The following TENM3 variants were observed in gnomAD, a reference collection of about 807,000 sequenced individuals.
TENM3 encodes the protein teneurin-3.
In TENM3, 63 loss-of-function variants were observed where a neutral mutation model predicts 255.1. The ratio of observed to expected loss-of-function variants is 0.25; its 90% CI spans 0.20 to 0.30. The LOEUF is 0.30. Among genes scored for constraint, TENM3 ranks in the 10% least tolerant of loss-of-function variants. The pLI is 1.00. For missense variants in TENM3, 2,929 were observed against 3,461.1 expected (o/e 0.85, Z 3.86); for synonymous variants, 1,306 against 1,322.3 (o/e 0.99, Z 0.27).
chr4:181,525,895 C>G, the TENM3 span, among the ~76,000 whole-genome samples: 1 of 152,066 alleles, frequency 6.6e-6, no homozygotes. Context: ...GTGCTCCAGC[C>G]TGCTAAGGAA....
chr4:182,227,778 A>G (rs73001473), intron 1 of TENM3, among the ~76,000 whole-genome samples: 4,840 of 151,956 alleles, frequency 0.032, 247 homozygotes, highest in African/African-American at 0.11. Context: ...AACACTTTAG[A>G]ATCTACTTTT....
chr4:181,514,954 A>T, the TENM3 span, among the ~76,000 whole-genome samples: 1 of 152,308 alleles, frequency 6.6e-6, no homozygotes, highest in Admixed American at 6.5e-5. Context: ...TATGTCAGGT[A>T]ACTGACGCCA....
the TENM3 span, among the ~76,000 whole-genome samples, chr4:181,608,192 G>C: frequency 6.6e-6 from 1 of 152,204 alleles, no homozygotes; most frequent in Non-Finnish European, 1.5e-5. Context: ...AAGAGGGAGA[G>C]AGCAAGAGAG....
intron 1 of TENM3, among the ~76,000 whole-genome samples, chr4:182,314,041 G>A (rs1216195338): frequency 6.6e-6 from 1 of 152,096 alleles, no homozygotes; most frequent in Non-Finnish European, 1.5e-5. Flanking sequence ...GGCTGGGCGT[G>A]GTGGCTCATG....
the TENM3 span, among the ~76,000 whole-genome samples, chr4:181,949,312 G>T: frequency 5.3e-5 from 8 of 152,166 alleles, no homozygotes; most frequent in Admixed American, 1.3e-4. Context: ...AACTGCAAAA[G>T]GTTTAGGTTT....
the TENM3 span, among the ~76,000 whole-genome samples, chr4:181,668,249 T>C: frequency 6.6e-6 from 1 of 152,232 alleles, no homozygotes; most frequent in South Asian, 2.1e-4. Context: ...TTCATGTTCC[T>C]CCAACGTTGT....
At chr4:181,809,186 T>C in the TENM3 span, among the ~76,000 whole-genome samples, 3 of 152,186 alleles carry the variant, frequency 2.0e-5, no homozygotes, top group Non-Finnish European at 4.4e-5. Context: ...CCCATTCAGA[T>C]GGGCTGGAAA....
intron 3 of TENM3, among the ~76,000 whole-genome samples, chr4:182,363,666 A>T (rs1330434119): frequency 6.6e-6 from 1 of 152,186 alleles, no homozygotes; most frequent in Non-Finnish European, 1.5e-5. Flanking sequence ...CTTACAAGTG[A>T]TATATCCAAG....
chr4:182,068,597 A>G, the TENM3 span, among the ~76,000 whole-genome samples: 10 of 152,156 alleles, frequency 6.6e-5, no homozygotes. Flanking sequence ...CTTGATGAAA[A>G]CAGCTTCCAG....
chr4:182,680,835 C>G, intron 10 of TENM3, 98 bp downstream of exon 10: 1 of 924,666 alleles, frequency 1.1e-6, no homozygotes, highest in Non-Finnish European at 1.5e-6. Flanking sequence ...TTATACGCTT[C>G]CTTTTGAAAG....
chr4:182,778,379 G>A (rs544495777), intron 24 of TENM3, among the ~76,000 whole-genome samples: 2 of 152,170 alleles, frequency 1.3e-5, no homozygotes, highest in Non-Finnish European at 2.9e-5. Context: ...TCACATTTGC[G>A]TAGTGGCCTA....
At chr4:182,002,811 C>T in the TENM3 span, among the ~76,000 whole-genome samples, 22 of 152,202 alleles carry the variant, frequency 1.4e-4, no homozygotes, top group African/African-American at 5.3e-4. Flanking sequence ...GAAAGAAGAC[C>T]TGCATTCACA....
chr4:181,481,482 G>A, the TENM3 span, among the ~76,000 whole-genome samples: 1 of 152,160 alleles, frequency 6.6e-6, no homozygotes. Flanking sequence ...TACATAGACT[G>A]ACAGATGGAA....
chr4:182,230,547 C>A (rs937047931), intron 1 of TENM3, among the ~76,000 whole-genome samples: 1 of 151,870 alleles, frequency 6.6e-6, no homozygotes, highest in African/African-American at 2.4e-5. Context: ...CAGACAGTCA[C>A]TGCTGTCACA....
At chr4:182,783,789 G>A (rs1379333502) in intron 24 of TENM3, among the ~76,000 whole-genome samples, 4 of 151,808 alleles carry the variant, frequency 2.6e-5, no homozygotes, top group Admixed American at 6.6e-5. Flanking sequence ...TTCCCTTCTC[G>A]CTTCATTTCA....
At chr4:182,191,587 G>T (rs1183913146) in intron 1 of TENM3, among the ~76,000 whole-genome samples, 6 of 152,056 alleles carry the variant, frequency 3.9e-5, no homozygotes, top group Non-Finnish European at 8.8e-5. Flanking sequence ...CTTTTAGGAT[G>T]GTTAGAGCCT....
chr4:181,925,149 G>A, the TENM3 span, among the ~76,000 whole-genome samples: 1 of 152,124 alleles, frequency 6.6e-6, no homozygotes, highest in Non-Finnish European at 1.5e-5. Context: ...TAAGAAGCAT[G>A]GTTGATTGGT....
intron 3 of TENM3, among the ~76,000 whole-genome samples, chr4:182,370,993 C>T (rs949226094): frequency 2.0e-5 from 3 of 152,026 alleles, no homozygotes; most frequent in African/African-American, 7.2e-5. Context: ...TGCTTTTGTC[C>T]TAAGTTCTTA....
the TENM3 span, among the ~76,000 whole-genome samples, chr4:182,013,977 CGT>C: frequency 4.7e-5 from 5 of 105,426 alleles, no homozygotes; most frequent in Admixed American, 1.0e-4. Context: ...CGTATATATA[CGT>C]GTATATACGT....
Sources: allele counts gnomAD v4.1 joint callset (sites outside exome capture counted in the v4.1 genomes callset), GRCh38; gene constraint gnomAD v4.1.1; transcripts MANE v1.5; gene names NCBI Gene and HGNC (gene_info 2026-07-23, HGNC 2026-07-21).